AMD1: variants seen among roughly 807,000 people sequenced by gnomAD.
AMD1 encodes adenosylmethionine decarboxylase 1.
In AMD1, 11 loss-of-function variants were observed where a neutral mutation model predicts 40.2. The observed-to-expected ratio is 0.27, with a 90% confidence interval of 0.17 to 0.45. The LOEUF (loss-of-function observed/expected upper bound fraction) is 0.45. AMD1 is among the 20% of genes least tolerant of loss of function. The pLI is 1.00. For synonymous variants in AMD1, 121 were observed against 130.8 expected (o/e 0.93, Z 0.51); for missense variants, 257 against 410.2 (o/e 0.63, Z 3.23).
At chr6:110,884,548 ATC>A (rs1293782225) in intron 1 of AMD1, among the ~76,000 whole-genome samples, 2 of 152,080 alleles carry the variant, frequency 1.3e-5, no homozygotes, top group Non-Finnish European at 2.9e-5. Context: ...AACTTCCCAC[ATC>A]AGCCTACCGA....
intron 1 of AMD1, among the ~76,000 whole-genome samples, chr6:110,883,887 G>A (rs963628700): frequency 6.6e-6 from 1 of 152,106 alleles, no homozygotes; most frequent in East Asian, 1.9e-4. Context: ...CACTGCGCCC[G>A]GCCAAAGCCC....
upstream of AMD1, among the ~76,000 whole-genome samples, chr6:110,872,581 A>C (rs1402758211): frequency 6.6e-6 from 1 of 152,222 alleles, no homozygotes; most frequent in Non-Finnish European, 1.5e-5. Flanking sequence ...TCAGGAAAAT[A>C]TTTAAGCAAA....
Position 110,888,857 on chromosome 6 carries a change from TGA to T in AMD1, c.202_203del (p.Ser68Ter). 6.2e-7 allele frequency: 1 copy of T among 1,610,766 alleles called. No individual in the cohort carries two copies. The highest frequency in any genetic ancestry group is 8.5e-7 in the Non-Finnish European group (1 of 1,179,108). On this transcript the variant is annotated frameshift_variant and splice_region_variant, in exon 3 of 9. Coordinates refer to ENST00000368885, the MANE Select transcript of AMD1 (RefSeq NM_001634.6). LOFTEE classifies it high-confidence loss of function. ...TDKQEAYVLS[E>X]SSMFVSKRRF... Reference sequence around the variant, plus strand: ...ATATTGTGACTTTTTTCAACTGCAGTGAGAGTAGCATGTTTGTCTCCAAGAGA... The same window carrying T: ...ATATTGTGACTTTTTTCAACTGCAGTGAGTAGCATGTTTGTCTCCAAGAGA...
chr6:110,879,690 G>A (rs1785301674), intron 1 of AMD1, among the ~76,000 whole-genome samples: 1 of 152,152 alleles, frequency 6.6e-6, no homozygotes, highest in South Asian at 2.1e-4. Context: ...TGTAATGAGA[G>A]CCTCTAAAAC....
At chr6:110,842,205 C>G in the AMD1 span, among the ~76,000 whole-genome samples, 1 of 152,166 alleles carries the variant, frequency 6.6e-6, no homozygotes, top group Non-Finnish European at 1.5e-5. Context: ...TTCTGCCCAT[C>G]TGGTGAGCAG....
chr6:110,893,652 A>G lies in AMD1; in HGVS notation c.*36A>G. 9 of 1,602,968 alleles carry G rather than the reference A, an allele frequency of 5.6e-6. No homozygotes were observed. The highest frequency in any genetic ancestry group is 7.6e-6 in the Non-Finnish European group (9 of 1,178,310). ...TGAAGAAAAAACGCAAAAAGAGAAC[A>G]CATGTAGAAGGTGGTGGATGCTTTC... On this transcript the variant is annotated 3_prime_UTR_variant, in exon 9 of 9. Transcript: ENST00000368885.
intron 3 of AMD1, 151 bp downstream of exon 3, chr6:110,889,134 G>A: frequency 1.3e-6 from 1 of 786,360 alleles, no homozygotes; most frequent in Admixed American, 4.0e-5. Flanking sequence ...GAAGAGATCT[G>A]ATTCTCAAGA....
the AMD1 span, chr6:110,815,919 G>T: frequency 1.3e-5 from 2 of 152,248 alleles, no homozygotes; most frequent in East Asian, 1.9e-4. Context: ...CCCGCCCCCC[G>T]TCCCGCTGCT....
intron 4 of AMD1, chr6:110,891,881 T>G: frequency 2.4e-6 from 1 of 424,456 alleles, no homozygotes; most frequent in Non-Finnish European, 4.3e-6. Flanking sequence ...TAGCTGGGAT[T>G]ATAGGCATGT....
the AMD1 span, among the ~76,000 whole-genome samples, chr6:110,848,234 G>A: frequency 6.6e-6 from 1 of 151,796 alleles, no homozygotes; most frequent in Admixed American, 6.6e-5. Context: ...AAGACAAGAT[G>A]ATTTCAGCTG....
chr6:110,814,707 C>A, the AMD1 span: 1 of 590,400 alleles, frequency 1.7e-6, no homozygotes, highest in Non-Finnish European at 3.2e-6. Flanking sequence ...CAAACTCCTC[C>A]TCCACCGCGG....
the AMD1 span, among the ~76,000 whole-genome samples, chr6:110,850,424 C>T: frequency 6.6e-6 from 1 of 152,128 alleles, no homozygotes; most frequent in Non-Finnish European, 1.5e-5. Context: ...TCTCAGAAAA[C>T]TGGTTTCTCT....
At chr6:110,883,208 C>A (rs1446368354) in intron 1 of AMD1, among the ~76,000 whole-genome samples, 2 of 152,182 alleles carry the variant, frequency 1.3e-5, no homozygotes, top group Non-Finnish European at 2.9e-5. Context: ...AAACCCTGGA[C>A]AGAATGCATT....
intron 2 of AMD1, chr6:110,888,161 A>G (rs189165249): frequency 6.6e-6 from 1 of 152,370 alleles, no homozygotes; most frequent in East Asian, 1.9e-4. Context: ...AGGGAAAGTT[A>G]GCTTCTCTAT....
the AMD1 span, among the ~76,000 whole-genome samples, chr6:110,837,471 G>C: frequency 1.3e-5 from 2 of 151,448 alleles, no homozygotes; most frequent in Non-Finnish European, 2.9e-5. Flanking sequence ...AGTACTTTGG[G>C]AGGCCGAGGC....
At chr6:110,865,795 C>G in the AMD1 span, among the ~76,000 whole-genome samples, 1 of 151,916 alleles carries the variant, frequency 6.6e-6, no homozygotes, top group East Asian at 1.9e-4. Context: ...TAGAGTCTCA[C>G]TCTGTTGCCC....
chr6:110,826,635 A>G, the AMD1 span, among the ~76,000 whole-genome samples: 1 of 150,748 alleles, frequency 6.6e-6, no homozygotes, highest in Non-Finnish European at 1.5e-5. Context: ...CTGTCTCCAC[A>G]TGGCCGTCTT....
intron 2 of AMD1, 69 bp from the exon 3 acceptor site, chr6:110,888,783 TAATTA>T: frequency 2.1e-6 from 3 of 1,442,848 alleles, no homozygotes; most frequent in Non-Finnish European, 2.8e-6. Context: ...TTGTAAATGA[TAATTA>T]AATTGGTTGA....
chr6:110,853,360 T>C, the AMD1 span, among the ~76,000 whole-genome samples: 6 of 150,384 alleles, frequency 4.0e-5, no homozygotes, highest in Non-Finnish European at 8.9e-5. Context: ...CAGGCTGGAG[T>C]GCAGTAGCGT....
Sources: gnomAD v4.1 joint callset for allele counts (sites outside exome capture counted in the v4.1 genomes callset) on GRCh38, gnomAD v4.1.1 for gene constraint, MANE v1.5 for transcripts, NCBI Gene and HGNC (gene_info 2026-07-23, HGNC 2026-07-21) for gene names.